Variants in ZZZ3 observed in about 807,000 individuals in gnomAD.
ZZZ3 encodes zinc finger ZZ-type containing 3.
Under a neutral mutation model 95.2 loss-of-function variants are expected in ZZZ3, and 22 were observed. The observed-to-expected ratio is 0.23, with a 90% CI of 0.17 to 0.33. The LOEUF is 0.33. ZZZ3 is among the 10% of genes least tolerant of loss of function. The pLI, the probability that ZZZ3 is intolerant of heterozygous loss-of-function variation, is 1.00. For synonymous variants in ZZZ3, 335 were observed against 358.9 expected, an observed-to-expected ratio of 0.93 and a Z score of 0.75; for missense variants, 885 against 1,066.5, an observed-to-expected ratio of 0.83 and a Z score of 2.37.
chr1:77,633,660 C>T (rs2100855768), intron 4 of ZZZ3, among the ~76,000 whole-genome samples: 1 of 152,296 alleles, frequency 6.6e-6, no homozygotes, highest in South Asian at 2.1e-4. Flanking sequence ...CATTAACTCA[C>T]TTAAGTCTCA....
chr1:77,633,184 C>T lies in ZZZ3; in HGVS notation c.171G>A (p.Val57=). ...CATTATTATTTCCTTTCTGAATTGG[C>T]ACAGGCTCTGGTCTCTTCTTTGGTG... ...SRSPKKRPEP[V]PIQKGNNNGR... is the part of the protein sequence containing the mutation. Residue 57 remains valine, a synonymous_variant, in exon 5 of 15, where the codon GTG becomes GTA. Transcript: ENST00000370801. The T allele has an allele frequency of 6.2e-7, 1 of 1,614,084 alleles. No individual in the cohort carries two copies. Among genetic ancestry groups the T allele is most frequent in the African/African-American group, 1.3e-5 (1 of 75,032 alleles).
chr1:77,657,702 G>T (rs905811339), intron 1 of ZZZ3, among the ~76,000 whole-genome samples: 3 of 151,974 alleles, frequency 2.0e-5, no homozygotes, highest in South Asian at 2.1e-4. Flanking sequence ...CAGTATACGT[G>T]GGGGGGATTG....
At chr1:77,680,643 T>C (rs926355654) in intron 1 of ZZZ3, among the ~76,000 whole-genome samples, 1 of 152,186 alleles carries the variant, frequency 6.6e-6, no homozygotes, top group Non-Finnish European at 1.5e-5. Flanking sequence ...CAACTTCAAG[T>C]ATATATACCT....
intron 12 of ZZZ3, among the ~76,000 whole-genome samples, chr1:77,570,210 C>A (rs966340874): frequency 2.0e-5 from 3 of 152,222 alleles, no homozygotes; most frequent in Admixed American, 2.0e-4. Context: ...TCACACCATT[C>A]TCCTGCCCCA....
chr1:77,622,645 C>A (rs927029055), intron 5 of ZZZ3, among the ~76,000 whole-genome samples: 1 of 152,028 alleles, frequency 6.6e-6, no homozygotes, highest in South Asian at 2.1e-4. Context: ...CCATTTGAAA[C>A]CTAGTAAAAA....
At chr1:77,662,889 G>C (rs529692919) in intron 1 of ZZZ3, among the ~76,000 whole-genome samples, 1 of 152,150 alleles carries the variant, frequency 6.6e-6, no homozygotes, top group Non-Finnish European at 1.5e-5. Flanking sequence ...AGGATCCCTC[G>C]ATCTCAGGAG....
chr1:77,604,972 G>T (rs2100695936), intron 5 of ZZZ3, among the ~76,000 whole-genome samples: 1 of 152,274 alleles, frequency 6.6e-6, no homozygotes, highest in East Asian at 1.9e-4. Context: ...AAGAGGGGCA[G>T]AGCAAGATAG....
intron 12 of ZZZ3, among the ~76,000 whole-genome samples, chr1:77,572,345 G>C (rs1661474276): frequency 6.6e-6 from 1 of 151,894 alleles, no homozygotes; most frequent in African/African-American, 2.4e-5. Flanking sequence ...TTTTTGTTTT[G>C]TTTTGTTTTT....
At chr1:77,641,286 C>T in intron 3 of ZZZ3, 98 bp downstream of exon 3, 1 of 332,182 alleles carries the variant, frequency 3.0e-6, no homozygotes, top group Non-Finnish European at 5.4e-6. Flanking sequence ...CACATAACTA[C>T]TCTATTTGAA....
chr1:77,662,875 C>T (rs1425582154), intron 1 of ZZZ3, among the ~76,000 whole-genome samples: 1 of 152,122 alleles, frequency 6.6e-6, no homozygotes, highest in African/African-American at 2.4e-5. Flanking sequence ...GAGGCCAAGG[C>T]AGGAGGATCC....
chr1:77,635,776 C>T (rs1668239448), intron 4 of ZZZ3, among the ~76,000 whole-genome samples: 1 of 152,040 alleles, frequency 6.6e-6, no homozygotes, highest in African/African-American at 2.4e-5. Context: ...CATGGTGGCA[C>T]ATGCCTGTAA....
At position 77,649,009 on chromosome 1, in the gene ZZZ3, C is replaced by A. The variant is rs184972352; in HGVS notation, c.-402-7354G>T. Among the ~76,000 whole-genome samples, 136 of 152,146 alleles carry A rather than the reference C, an allele frequency of 8.9e-4. 1 individual carries two copies. The highest frequency in any genetic ancestry group is 3.1e-3 in the African/African-American group (130 of 41,510). ...AAGAGTGGTGGTGTGTGCCTGTGGT[C>A]CCAGCTACTTGGGAGGCTGAGGCAC... On this transcript the variant is annotated intron_variant, in intron 1 of 14. Transcript: ENST00000370801.
At chr1:77,571,654 T>C (rs568964263) in intron 12 of ZZZ3, among the ~76,000 whole-genome samples, 54 of 152,154 alleles carry the variant, frequency 3.5e-4, no homozygotes, top group Non-Finnish European at 7.4e-4. Context: ...TTGAAGACCA[T>C]ACGCTGGGTG....
At chr1:77,625,753 G>A (rs1439187175) in intron 5 of ZZZ3, among the ~76,000 whole-genome samples, 1 of 152,030 alleles carries the variant, frequency 6.6e-6, no homozygotes, top group African/African-American at 2.4e-5. Context: ...ACTTTGGGAG[G>A]CTGAGGGGGG....
chr1:77,642,829 C>T (rs1432367809), intron 1 of ZZZ3, among the ~76,000 whole-genome samples: 1 of 152,108 alleles, frequency 6.6e-6, no homozygotes, highest in Non-Finnish European at 1.5e-5. Flanking sequence ...TTAGGGGTGT[C>T]AACCATTCAG....
intron 5 of ZZZ3, among the ~76,000 whole-genome samples, chr1:77,587,234 T>G (rs1663167590): frequency 6.6e-6 from 1 of 151,440 alleles, no homozygotes; most frequent in Non-Finnish European, 1.5e-5. Context: ...AATGAATGTT[T>G]AAAAATCAAC....
At chr1:77,581,091 T>C (rs1236109933) in intron 8 of ZZZ3, 22 bp from the exon 9 acceptor site, 1 of 1,605,578 alleles carries the variant, frequency 6.2e-7, no homozygotes, top group South Asian at 1.1e-5. Flanking sequence ...ACAAGGCTTT[T>C]GTCAGAGAGA....
chr1:77,680,967 C>T (rs944852938), intron 1 of ZZZ3, among the ~76,000 whole-genome samples: 3 of 152,050 alleles, frequency 2.0e-5, no homozygotes, highest in Non-Finnish European at 2.9e-5. Flanking sequence ...GATATTTTCA[C>T]AAGATTATAC....
chr1:77,644,506 T>C (rs1394925033), intron 1 of ZZZ3, among the ~76,000 whole-genome samples: 2 of 152,256 alleles, frequency 1.3e-5, no homozygotes, highest in Non-Finnish European at 2.9e-5. Context: ...ATGCCTTCTA[T>C]AGATTTTCAA....
Sources: gnomAD v4.1 joint callset for allele counts (sites outside exome capture counted in the v4.1 genomes callset) on GRCh38, gnomAD v4.1.1 for gene constraint, MANE v1.5 for transcripts, NCBI Gene and HGNC (gene_info 2026-07-23, HGNC 2026-07-21) for gene names.